The following NSD1 variants were observed in gnomAD, a reference collection of about 807,000 sequenced individuals.
The protein encoded by NSD1 is nuclear receptor binding SET domain protein 1.
NSD1 carries 26 observed loss-of-function variants against 242.7 expected under a neutral mutation model. The observed-to-expected ratio is 0.11, with a 90% confidence interval of 0.08 to 0.15. The LOEUF is 0.15. NSD1 is among the 10% of genes least tolerant of loss of function. NSD1 has a pLI of 1.00. For missense variants in NSD1, 2,495 were observed against 3,272.8 expected (o/e 0.76, Z 5.80); for synonymous variants, 1,106 against 1,178.1 (o/e 0.94, Z 1.25).
chr5:177,244,304 A>G, intron 9 of NSD1, 34 bp downstream of exon 9: 1 of 1,466,660 alleles, frequency 6.8e-7, no homozygotes, highest in Non-Finnish European at 9.5e-7. Flanking sequence ...AACGTAATGC[A>G]GTAGTAAGTT....
chr5:177,190,183 C>G (rs996007112), intron 2 of NSD1, among the ~76,000 whole-genome samples: 5 of 152,158 alleles, frequency 3.3e-5, no homozygotes, highest in Admixed American at 6.5e-5. Context: ...TCTCAGACTC[C>G]TAGGCTGGAG....
chr5:177,294,868 G>A lies in NSD1; in HGVS notation c.7500G>A (p.Met2500Ile), dbSNP rs770120153. 2 of 1,613,170 alleles carry A rather than the reference G, an allele frequency of 1.2e-6. No homozygotes were observed. The change falls in exon 23 of 23, where the codon ATG becomes ATA. Residue 2500 changes from methionine to isoleucine, a missense_variant. Around this residue, in one of 19 missense-constraint regions of NSD1, gnomAD observed 475 missense variants for 563.7 expected, o/e 0.84. Coordinates refer to ENST00000439151, the MANE Select transcript of NSD1 (RefSeq NM_022455.5). ...CTGCCAGCAAAGGTCTGGGGCATAT[G>A]CCGAGAGCTGTTGAGAAAGGCTGTG... is the stretch of plus-strand genomic sequence containing the variant. Reference protein sequence around the residue: ...SWPASKGLGHMPRAVEKGCVS... With the variant: ...SWPASKGLGHIPRAVEKGCVS...
At position 177,193,706 on chromosome 5, in the gene NSD1, T is replaced by A. The variant is rs183734293; in HGVS notation, c.1063+1687T>A. On this transcript the variant is annotated intron_variant, in intron 3 of 22. Transcript: ENST00000439151. ...TCAGAAAAATCAGCTTACTCTCTGC[T>A]TTGCTGTGATCCGCCACATTCTTCA... is the stretch of plus-strand genomic sequence containing the variant. Among the ~76,000 whole-genome samples the A allele has an allele frequency of 4.2e-3, 645 of 152,332 alleles. 26 individuals are homozygous for A. The highest frequency in any genetic ancestry group is 1.9e-3 in the South Asian group (9 of 4,832).
At chr5:177,281,066 G>A (rs1390951474) in intron 18 of NSD1, among the ~76,000 whole-genome samples, 7 of 152,106 alleles carry the variant, frequency 4.6e-5, no homozygotes, top group Admixed American at 4.6e-4. Context: ...GGAAAAAATG[G>A]GACATTCATA....
chr5:177,281,347 T>A (rs1562293787), intron 18 of NSD1, among the ~76,000 whole-genome samples: 4 of 150,774 alleles, frequency 2.7e-5, no homozygotes, highest in East Asian at 1.9e-4. Flanking sequence ...TTTTTTTTTT[T>A]AATAAAATAA....
In NSD1 at chr5:177,267,831, T is replaced by G. The variant is rs10071723; in HGVS notation, c.5303+113T>G. 8,017 of 1,034,162 alleles carry G rather than the reference T, an allele frequency of 7.8e-3. 383 individuals are homozygous for G. The African/African-American group carries it at 0.11, about 14-fold the overall frequency. The allele number at this position is 1,034,162 out of a possible 1,614,324, so 64.1% of individuals were successfully genotyped here. A position where few individuals can be genotyped will look rare whatever the true frequency, so the allele number is the denominator to read the frequency against. ...TCTACTTAATTACTCATGGTACTCCTCCCCTCTTCTTCTTGATTTTTTTCC... is the reference window on the plus strand; with the variant it reads ...TCTACTTAATTACTCATGGTACTCCGCCCCTCTTCTTCTTGATTTTTTTCC... On this transcript the variant is annotated intron_variant, in intron 15 of 22. Coordinates refer to ENST00000439151, the MANE Select transcript of NSD1 (RefSeq NM_022455.5).
Position 177,135,713 on chromosome 5 carries a change from A to G in NSD1, c.610A>G (p.Lys204Glu), listed in dbSNP as rs1375196590. The G allele has an allele frequency of 1.9e-6, 3 of 1,614,212 alleles. No individual in the cohort carries two copies. Among genetic ancestry groups the G allele is most frequent in the South Asian group, 1.1e-5 (1 of 91,078 alleles). The change falls in exon 2 of 23, where the codon AAA becomes GAA. Residue 204 changes from lysine (K) to glutamate (E), a missense_variant. Physicochemically the swap from Lys to Glu is moderately conservative, Grantham distance 56. Transcript: ENST00000439151. The part of the protein sequence containing the change: ...NYETKSENGV[K>E]VAMGSEQDST... ...TGAGACTAAATCAGAGAATGGTGTAAAAGTGGCCATGGGAAGTGAACAAGA... is the reference window on the plus strand; with the variant it reads ...TGAGACTAAATCAGAGAATGGTGTAGAAGTGGCCATGGGAAGTGAACAAGA...
At chr5:177,180,034 G>A (rs1323872059) in intron 2 of NSD1, among the ~76,000 whole-genome samples, 2 of 151,852 alleles carry the variant, frequency 1.3e-5, no homozygotes, top group African/African-American at 4.8e-5. Context: ...CTGGGTAGCT[G>A]GGATTACAGG....
At chr5:177,182,131 G>A (rs1318966061) in intron 2 of NSD1, among the ~76,000 whole-genome samples, 1 of 148,900 alleles carries the variant, frequency 6.7e-6, no homozygotes, top group Non-Finnish European at 1.5e-5. Context: ...CAGCCTGGGT[G>A]ACAGAGTGAG....
intron 2 of NSD1, among the ~76,000 whole-genome samples, chr5:177,191,033 C>G (rs1025422995): frequency 1.4e-5 from 2 of 138,088 alleles, no homozygotes; most frequent in Non-Finnish European, 3.0e-5. Context: ...TACGGTGGCT[C>G]TTGGCTCGCT....
chr5:177,181,427 GTTT>G (rs34848476), intron 2 of NSD1, among the ~76,000 whole-genome samples: 12 of 117,334 alleles, frequency 1.0e-4, no homozygotes, highest in African/African-American at 4.0e-4. Flanking sequence ...TTTTTTTTTG[GTTT>G]TTTTTTTTTT....
At chr5:177,180,932 C>A (rs899318788) in intron 2 of NSD1, among the ~76,000 whole-genome samples, 33 of 151,874 alleles carry the variant, frequency 2.2e-4, no homozygotes, top group Non-Finnish European at 4.4e-5. Flanking sequence ...CCACCCGCCT[C>A]GGCCTCCCAA....
intron 14 of NSD1, chr5:177,265,844 G>A: frequency 1.4e-6 from 2 of 1,409,174 alleles, no homozygotes; most frequent in South Asian, 1.2e-5. Flanking sequence ...GGCCACCTGG[G>A]TGTGCACGTA....
At chr5:177,292,858 AAAG>A (rs1173875325) in intron 22 of NSD1, among the ~76,000 whole-genome samples, 1 of 152,246 alleles carries the variant, frequency 6.6e-6, no homozygotes, top group Non-Finnish European at 1.5e-5. Flanking sequence ...AATGAACAAA[AAAG>A]AGAAACCAGT....
At position 177,295,344 on chromosome 5, in the gene NSD1, C is replaced by T. The variant is rs1562312270; in HGVS notation, c.7976C>T (p.Ala2659Val). 1.2e-6 allele frequency: 2 copies of T among 1,614,190 alleles called. No homozygotes were observed. The highest frequency in any genetic ancestry group is 1.6e-4 in the Middle Eastern group (1 of 6,062). The change falls in exon 23 of 23, where the codon GCA (alanine) becomes GTA (valine). Residue 2659 changes from alanine (A) to valine (V), a missense_variant. This residue lies in a region of NSD1 where 475 missense variants were observed against 563.7 expected (regional missense o/e 0.84). Transcript: ENST00000439151. The surrounding 1 kb of genome is among the most constrained non-coding windows in gnomAD (Gnocchi z 4.3). ...TCTGCTGGGAGCACACAGACATTGG[C>T]ACAGACTTGCTGGTCTCTTGGAAGA... ...CWSAGSTQTLAQTCWSLGRGQ... is the reference protein window; with the variant it reads ...CWSAGSTQTLVQTCWSLGRGQ...
Position 177,287,837 on chromosome 5 carries a change from G to A in NSD1, c.6152-982G>A, listed in dbSNP as rs141386824. 7.8e-4 allele frequency among the ~76,000 whole-genome samples: 119 copies of A among 152,246 alleles called. No individual in the cohort carries two copies. The East Asian group carries it at 0.017, about 22-fold the overall frequency. Reference sequence around the variant, plus strand: ...GCTACTCCTACAGCATGACCCTAACGTAGCTGCTGGTATTGTGAACATACT... The same window carrying A: ...GCTACTCCTACAGCATGACCCTAACATAGCTGCTGGTATTGTGAACATACT... On this transcript the variant is annotated intron_variant, in intron 20 of 22. Coordinates refer to ENST00000439151, the MANE Select transcript of NSD1 (RefSeq NM_022455.5).
chr5:177,238,608 A>G lies in NSD1; in HGVS notation c.4192+101A>G. ...TAAAGCCAACATTGTATCTATATAC[A>G]ATAAACTACCCCCTTTTGTCCTGGG... is the stretch of plus-strand genomic sequence containing the variant. On this transcript the variant is annotated intron_variant, in intron 7 of 22. Coordinates refer to ENST00000439151, the MANE Select transcript of NSD1 (RefSeq NM_022455.5). This position sits in a 1 kb window ranked among gnomAD's most constrained non-coding sequence, Gnocchi z 4.6. 6.1e-6 allele frequency: 8 copies of G among 1,309,290 alleles called. No homozygotes were observed. The highest frequency in any genetic ancestry group is 8.7e-6 in the Non-Finnish European group (8 of 918,264). 81.1% of individuals were successfully genotyped at this position (1,309,290 alleles called of 1,614,324 possible).
At chr5:177,174,535 T>C (rs994995151) in intron 2 of NSD1, among the ~76,000 whole-genome samples, 17 of 151,372 alleles carry the variant, frequency 1.1e-4, no homozygotes, top group African/African-American at 3.4e-4. Context: ...ATATAATCAA[T>C]GCACCATTGC....
At chr5:177,201,577 T>G (rs951696695) in intron 3 of NSD1, among the ~76,000 whole-genome samples, 11 of 150,588 alleles carry the variant, frequency 7.3e-5, no homozygotes, top group Non-Finnish European at 1.5e-4. Flanking sequence ...TTTTTTTTTT[T>G]TGAGATGGTG....
Sources: allele counts gnomAD v4.1 joint callset (sites outside exome capture counted in the v4.1 genomes callset), GRCh38; gene constraint gnomAD v4.1.1; regional missense constraint gnomAD v4.1.1; non-coding constraint Gnocchi (gnomAD v3.1); transcripts MANE v1.5; gene names NCBI Gene and HGNC (gene_info 2026-07-23, HGNC 2026-07-21).